Variants in NDST3 observed in about 807,000 individuals in gnomAD.
NDST3 encodes N-deacetylase and N-sulfotransferase 3, also known as bifunctional heparan sulfate N-deacetylase/N-sulfotransferase 3.
In NDST3, 58 loss-of-function variants were observed where a neutral mutation model predicts 96.1. The ratio of observed to expected loss-of-function variants is 0.60; its 90% CI spans 0.49 to 0.75. The LOEUF is 0.75. Among genes scored for constraint, NDST3 ranks in the 30% least tolerant of loss-of-function variants. The probability of loss-of-function intolerance (pLI) is 0.00; values close to 1 mark genes in which losing one functional copy is unlikely to be tolerated. For missense variants in NDST3, 788 were observed against 1,034.2 expected, an observed-to-expected ratio of 0.76 and a Z score of 3.27; for synonymous variants, 333 against 359.7, an observed-to-expected ratio of 0.93 and a Z score of 0.84.
At chr4:118,150,887 G>A (rs1161429832) in intron 6 of NDST3, among the ~76,000 whole-genome samples, 1 of 151,986 alleles carries the variant, frequency 6.6e-6, no homozygotes, top group African/African-American at 2.4e-5. Context: ...CCATTACTGG[G>A]TATATACCCA....
intron 12 of NDST3, among the ~76,000 whole-genome samples, chr4:118,245,770 A>T (rs1741275871): frequency 6.6e-6 from 1 of 152,166 alleles, no homozygotes; most frequent in Non-Finnish European, 1.5e-5. Context: ...ATAAATATAC[A>T]TTTATATGTC....
At chr4:118,041,824 A>AC (rs1724483557) in intron 1 of NDST3, among the ~76,000 whole-genome samples, 1 of 152,182 alleles carries the variant, frequency 6.6e-6, no homozygotes, top group Non-Finnish European at 1.5e-5. Context: ...CTTTTTGAAA[A>AC]ATTTGAAAAA....
intron 11 of NDST3, 72 bp downstream of exon 11, chr4:118,240,766 A>G (rs1265675710): frequency 7.1e-7 from 1 of 1,404,416 alleles, no homozygotes; most frequent in African/African-American, 1.4e-5. Flanking sequence ...AGGTTAAGAA[A>G]ATTTTCAATT....
At position 118,167,623 on chromosome 4, in the gene NDST3, A is replaced by G. The variant is rs1185698718; in HGVS notation, c.1539+23939A>G. On this transcript the variant is annotated intron_variant, in intron 6 of 13. Coordinates refer to ENST00000296499, the MANE Select transcript of NDST3 (RefSeq NM_004784.3). The stretch of plus-strand genomic sequence containing the variant: ...TCCAAAACAATTTTGAGACAGGAGA[A>G]CAAAGCTGGAAGCATCCTACTTCCT... Among the ~76,000 whole-genome samples the G allele has an allele frequency of 3.9e-5, 6 of 152,176 alleles. No individual in the cohort carries two copies. The East Asian group carries it at 1.2e-3, about 29-fold the overall frequency.
At chr4:118,193,659 C>A in intron 6 of NDST3, 2 of 1,298,698 alleles carry the variant, frequency 1.5e-6, no homozygotes, top group Non-Finnish European at 2.2e-6. Flanking sequence ...TTCTGGAAGT[C>A]AGCCTGTGCC....
At chr4:118,120,110 C>A (rs1208047795) in intron 4 of NDST3, among the ~76,000 whole-genome samples, 1 of 151,662 alleles carries the variant, frequency 6.6e-6, no homozygotes, top group African/African-American at 2.4e-5. Context: ...TAAATGTTTG[C>A]TAAATAAAAA....
At chr4:118,043,820 A>C (rs1303843765) in intron 1 of NDST3, among the ~76,000 whole-genome samples, 2 of 152,230 alleles carry the variant, frequency 1.3e-5, no homozygotes, top group Non-Finnish European at 2.9e-5. Flanking sequence ...GGCATGGCAA[A>C]GTGAGATGTG....
At chr4:118,193,773 C>T in intron 6 of NDST3, 1 of 1,485,630 alleles carries the variant, frequency 6.7e-7, no homozygotes, top group South Asian at 1.2e-5. Flanking sequence ...TCAGTGGCAG[C>T]AGAGAAGGCC....
chr4:118,122,776 C>T (rs553493262), intron 4 of NDST3, among the ~76,000 whole-genome samples: 2 of 152,260 alleles, frequency 1.3e-5, no homozygotes, highest in African/African-American at 4.8e-5. Context: ...TGTTGAGCTC[C>T]AAAATATTTA....
Position 118,257,344 on chromosome 4 carries a change from G to A in NDST3, c.*1632G>A, listed in dbSNP as rs1742179415. On this transcript the variant is annotated 3_prime_UTR_variant, in exon 14 of 14. Transcript: ENST00000296499. ...AGTAGTGACAGGGTTTCACCATGTT[G>A]ACTAGGCTGATCTTGAACTCCTGAC... The A allele has an allele frequency of 6.6e-6, 1 of 152,070 alleles. No homozygotes were observed. Among genetic ancestry groups the A allele is most frequent in the South Asian group, 2.1e-4 (1 of 4,822 alleles). 9.4% of individuals were successfully genotyped at this position (152,070 alleles called of 1,614,324 possible). A position where few individuals can be genotyped will look rare whatever the true frequency, so the allele number is the denominator to read the frequency against.
intron 2 of NDST3, among the ~76,000 whole-genome samples, chr4:118,072,804 C>G (rs539110583): frequency 7.3e-4 from 111 of 152,078 alleles, no homozygotes; most frequent in Non-Finnish European, 1.0e-3. Flanking sequence ...TTGTTTTGTT[C>G]CAGTTGTCAA....
At chr4:118,151,571 A>G (rs1405032594) in intron 6 of NDST3, among the ~76,000 whole-genome samples, 2 of 152,064 alleles carry the variant, frequency 1.3e-5, no homozygotes, top group Admixed American at 1.3e-4. Context: ...CATGCGCTTT[A>G]GGTAAATGTT....
chr4:118,043,866 T>C (rs879752803), intron 1 of NDST3, among the ~76,000 whole-genome samples: 2 of 152,240 alleles, frequency 1.3e-5, no homozygotes, highest in Non-Finnish European at 2.9e-5. Context: ...AGGAGAATTT[T>C]AATGTATGCA....
Position 118,255,650 on chromosome 4 carries a change from CT to C in NDST3, c.2561del (p.Leu854ArgfsTer12). 1.2e-6 allele frequency: 2 copies of C among 1,613,812 alleles called. No individual in the cohort carries two copies. The highest frequency in any genetic ancestry group is 1.7e-6 in the Non-Finnish European group (2 of 1,179,766). ...TCACAACGTGGAACTCTCAAAGCTG[CT>C]GCACAAACTGGGTCAGCCTCTGCCA... ...RDHNVELSKL[L>X]HKLGQPLPSW... On this transcript the variant is annotated frameshift_variant, in exon 14 of 14. Coordinates refer to ENST00000296499, the MANE Select transcript of NDST3 (RefSeq NM_004784.3). LOFTEE classifies it high-confidence loss of function.
chr4:118,063,701 C>T (rs555236910), intron 2 of NDST3, among the ~76,000 whole-genome samples: 6 of 152,198 alleles, frequency 3.9e-5, no homozygotes, highest in South Asian at 4.1e-4. Flanking sequence ...ATTTAATTAT[C>T]GTAGAAATCC....
At chr4:118,080,316 G>A (rs1420771502) in intron 2 of NDST3, among the ~76,000 whole-genome samples, 1 of 151,998 alleles carries the variant, frequency 6.6e-6, no homozygotes, top group Non-Finnish European at 1.5e-5. Flanking sequence ...AGTTCAGAGA[G>A]ATGTTGGGAG....
At chr4:118,221,859 A>G (rs1739566624) in intron 6 of NDST3, among the ~76,000 whole-genome samples, 1 of 151,964 alleles carries the variant, frequency 6.6e-6, no homozygotes, top group Admixed American at 6.6e-5. Flanking sequence ...CCTTTTGGTG[A>G]CAACTAATTA....
chr4:118,246,677 T>G (rs1741333368), intron 12 of NDST3, among the ~76,000 whole-genome samples: 1 of 152,042 alleles, frequency 6.6e-6, no homozygotes, highest in Non-Finnish European at 1.5e-5. Context: ...TGGGAAGGCC[T>G]CAGGAAACTT....
At chr4:118,084,115 C>A (rs923128699) in intron 2 of NDST3, among the ~76,000 whole-genome samples, 1 of 152,062 alleles carries the variant, frequency 6.6e-6, no homozygotes, top group East Asian at 1.9e-4. Flanking sequence ...AGATATGTAG[C>A]ATGAACAAGT....
Sources: allele counts gnomAD v4.1 joint callset (sites outside exome capture counted in the v4.1 genomes callset), GRCh38; gene constraint gnomAD v4.1.1; transcripts MANE v1.5; gene names NCBI Gene and HGNC (gene_info 2026-07-23, HGNC 2026-07-21).